Variants in ZNF423 observed in about 807,000 individuals in gnomAD.
The protein encoded by ZNF423 is Ebf-associated zinc finger protein.
In ZNF423, 12 loss-of-function variants were observed where a neutral mutation model predicts 95.8. That is an observed-to-expected ratio of 0.13 (90% CI 0.08 to 0.20). ZNF423 has a LOEUF of 0.20. ZNF423 is among the 10% of genes least tolerant of loss of function. The pLI is 1.00. For synonymous variants in ZNF423, 749 were observed against 711.9 expected (o/e 1.05, Z -0.83); for missense variants, 1,316 against 1,737.1 (o/e 0.76, Z 4.31).
Position 49,637,574 on chromosome 16 carries a change from G to A in ZNF423, c.1602C>T (p.Phe534=). Residue 534 remains phenylalanine (F), a synonymous_variant, in exon 4 of 8, where the codon TTC becomes TTT. Transcript: ENST00000563137. The surrounding 1 kb of genome is among the most constrained non-coding windows in gnomAD (Gnocchi z 5.6). ...GCTCGGTGAGGGAGGACTCAGTAAGGAAACCCATGGAGCACTGGTTGCAGA... is the reference window on the plus strand; with the variant it reads ...GCTCGGTGAGGGAGGACTCAGTAAGAAAACCCATGGAGCACTGGTTGCAGA... ...AFFCNQCSMG[F]LTESSLTEHI... 1 of 1,614,096 alleles carries A rather than the reference G, an allele frequency of 6.2e-7. No homozygotes were observed. Among genetic ancestry groups the A allele is most frequent in the African/African-American group, 1.3e-5 (1 of 75,040 alleles).
chr16:49,568,436 G>T (rs542726571), intron 5 of ZNF423, among the ~76,000 whole-genome samples: 1 of 152,176 alleles, frequency 6.6e-6, no homozygotes, highest in Non-Finnish European at 1.5e-5. Flanking sequence ...TTCAGCAGCA[G>T]TGAGCCCTTC....
intron 3 of ZNF423, among the ~76,000 whole-genome samples, chr16:49,714,302 CTCAGGGTGCTGCTATATT>C (rs2032637094): frequency 6.6e-6 from 1 of 152,180 alleles, no homozygotes; most frequent in South Asian, 2.1e-4. Context: ...ATCTGGTCTA[CTCAGGGTGCTGCTATATT>C]TCAACACGCA....
chr16:49,537,707 C>A (rs1426521082), intron 5 of ZNF423, among the ~76,000 whole-genome samples: 1 of 152,166 alleles, frequency 6.6e-6, no homozygotes, highest in African/African-American at 2.4e-5. Context: ...CTACTCACCT[C>A]TCCCCTTCCT....
chr16:49,702,106 G>T (rs1301091418), intron 3 of ZNF423, among the ~76,000 whole-genome samples: 1 of 152,218 alleles, frequency 6.6e-6, no homozygotes, highest in Non-Finnish European at 1.5e-5. Context: ...GAAATCTGCT[G>T]AATTCAAAGC....
chr16:49,725,926 A>G (rs1025307300), intron 3 of ZNF423, among the ~76,000 whole-genome samples: 1 of 148,532 alleles, frequency 6.7e-6, no homozygotes. Flanking sequence ...AAGGGAAGAC[A>G]CCAATGCTGA....
intron 5 of ZNF423, among the ~76,000 whole-genome samples, chr16:49,588,848 A>C (rs1009515665): frequency 6.6e-6 from 1 of 152,262 alleles, no homozygotes; most frequent in Non-Finnish European, 1.5e-5. Context: ...TGGCCAAACA[A>C]GCACCTATCT....
chr16:49,518,037 G>GA (rs375845919), intron 7 of ZNF423: 118 of 451,282 alleles, frequency 2.6e-4, no homozygotes, highest in African/African-American at 2.1e-3. Context: ...TCCTGGTGAT[G>GA]ATATTGGCGG....
At chr16:49,633,772 G>A (rs1972584733) in intron 4 of ZNF423, among the ~76,000 whole-genome samples, 1 of 152,130 alleles carries the variant, frequency 6.6e-6, no homozygotes. Context: ...TAGAACCCTG[G>A]CTCAGACAAA....
At chr16:49,545,823 G>A (rs1417231382) in intron 5 of ZNF423, among the ~76,000 whole-genome samples, 1 of 152,130 alleles carries the variant, frequency 6.6e-6, no homozygotes, top group Admixed American at 6.5e-5. Context: ...CTAACTACCT[G>A]CCAGGCATTC....
chr16:49,807,927 C>T (rs1360932720), intron 1 of ZNF423, among the ~76,000 whole-genome samples: 3 of 152,250 alleles, frequency 2.0e-5, no homozygotes, highest in Non-Finnish European at 2.9e-5. Flanking sequence ...ACACCTCTGG[C>T]ACTCAGAGTC....
chr16:49,664,014 G>T lies in ZNF423; in HGVS notation c.302-25140C>A, dbSNP rs1249790792. The T allele has an allele frequency of 1.7e-5, 16 of 963,640 alleles. 1 individual carries two copies. The highest frequency in any genetic ancestry group is 1.1e-3 in the Middle Eastern group (2 of 1,878). 59.7% of individuals were successfully genotyped at this position (963,640 alleles called of 1,614,324 possible). On this transcript the variant is annotated intron_variant, in intron 3 of 7. Coordinates refer to ENST00000563137, the MANE Select transcript of ZNF423 (RefSeq NM_001379286.1). ...TAAGGGGACTCGGCGTTCCGGTGCA[G>T]ACACCAGCCTGTTTTATTCATTCTT...
chr16:49,791,189 A>C (rs986050671), intron 1 of ZNF423, among the ~76,000 whole-genome samples: 2 of 152,234 alleles, frequency 1.3e-5, no homozygotes, highest in African/African-American at 4.8e-5. Flanking sequence ...AGGCAGGATC[A>C]AGACAATGAA....
intron 2 of ZNF423, among the ~76,000 whole-genome samples, chr16:49,769,410 A>T (rs1311172594): frequency 2.0e-5 from 3 of 151,988 alleles, no homozygotes; most frequent in Non-Finnish European, 4.4e-5. Context: ...CAAGAAAAGA[A>T]AAAAGAAACT....
chr16:49,751,186 G>A lies in ZNF423; in HGVS notation c.101-20215C>T, dbSNP rs117786221. ...CATACAAGACTGTTTGACAGCCTCC[G>A]TACTTTAAAATAACTCAGCTTGGTC... On this transcript the variant is annotated intron_variant, in intron 2 of 7. Transcript: ENST00000563137. Among the ~76,000 whole-genome samples, 50 of 152,276 alleles carry A rather than the reference G, an allele frequency of 3.3e-4. No homozygotes were observed. The East Asian group carries it at 8.5e-3, about 26-fold the overall frequency.
intron 3 of ZNF423, among the ~76,000 whole-genome samples, chr16:49,691,150 A>AGACACAGAGG (rs1315621179): frequency 1.3e-5 from 2 of 152,252 alleles, no homozygotes; most frequent in Admixed American, 1.3e-4. Flanking sequence ...GTAGACATAG[A>AGACACAGAGG]GAGTGGGTTC....
In ZNF423 at chr16:49,637,088, C is replaced by T. The variant is rs150555141; in HGVS notation, c.2088G>A (p.Thr696=). The part of the protein sequence containing the change: ...LQHLTVHYMT[T]STHYVCESCD... ...AGCTCTCGCACACATAGTGGGTCGA[C>T]GTGGTCATGTAATGCACTGTCAGGT... Residue 696 remains threonine, a synonymous_variant, in exon 4 of 8, where the codon ACG becomes ACA. Coordinates refer to ENST00000563137, the MANE Select transcript of ZNF423 (RefSeq NM_001379286.1). The surrounding 1 kb of genome is among the most constrained non-coding windows in gnomAD (Gnocchi z 5.6). The T allele has an allele frequency of 1.6e-5, 26 of 1,613,704 alleles. No homozygotes were observed. The highest frequency in any genetic ancestry group is 2.2e-5 in the South Asian group (2 of 91,084).
intron 5 of ZNF423, among the ~76,000 whole-genome samples, chr16:49,599,769 A>G (rs1268997363): frequency 6.6e-6 from 1 of 152,222 alleles, no homozygotes; most frequent in Non-Finnish European, 1.5e-5. Flanking sequence ...CACAGGATGC[A>G]TGGGGCGATT....
rs61738768 is a variant in ZNF423 at position 49,638,669 on chromosome 16, G to A, written c.507C>T (p.Ser169=). ...SYLKRHEQIH[S]DKLPFKCTYC... is the part of the protein sequence containing the mutation. Reference sequence around the variant, plus strand: ...AGGTGCACTTGAACGGCAGCTTGTCGCTGTGGATCTGCTCGTGCCTCTTCA... The same window carrying A: ...AGGTGCACTTGAACGGCAGCTTGTCACTGTGGATCTGCTCGTGCCTCTTCA... The change falls in exon 4 of 8, where the codon AGC becomes AGT. Residue 169 remains serine (S), a synonymous_variant. Transcript: ENST00000563137. This position sits in a 1 kb window ranked among gnomAD's most constrained non-coding sequence, Gnocchi z 5.6. The A allele has an allele frequency of 3.7e-6, 6 of 1,613,960 alleles. No individual in the cohort carries two copies. Among genetic ancestry groups the A allele is most frequent in the East Asian group, 2.2e-5 (1 of 44,880 alleles).
At chr16:49,645,629 T>G (rs1407591341) in intron 3 of ZNF423, among the ~76,000 whole-genome samples, 1 of 152,162 alleles carries the variant, frequency 6.6e-6, no homozygotes, top group East Asian at 1.9e-4. Flanking sequence ...ATCCTGTTGG[T>G]CACAGAGAGA....
Sources: gnomAD v4.1 joint callset for allele counts (sites outside exome capture counted in the v4.1 genomes callset) on GRCh38, gnomAD v4.1.1 for gene constraint, Gnocchi (gnomAD v3.1) non-coding constraint, MANE v1.5 for transcripts, NCBI Gene and HGNC (gene_info 2026-07-23, HGNC 2026-07-21) for gene names.